CAMK1D: variants seen among roughly 807,000 people sequenced by gnomAD.
The protein encoded by CAMK1D is calcium/calmodulin-dependent protein kinase type 1D.
CAMK1D carries 9 observed loss-of-function variants against 47.7 expected under a neutral mutation model. The observed-to-expected ratio is 0.19, with a 90% CI of 0.11 to 0.33. The LOEUF (loss-of-function observed/expected upper bound fraction) is 0.33. Ranked by LOEUF, CAMK1D falls within the 10% of genes least tolerant of loss-of-function variation. The pLI is 1.00. For synonymous variants in CAMK1D, 184 were observed against 184.9 expected, an observed-to-expected ratio of 0.99 and a Z score of 0.04; for missense variants, 291 against 488.7, an observed-to-expected ratio of 0.60 and a Z score of 3.81.
intron 2 of CAMK1D, among the ~76,000 whole-genome samples, chr10:12,634,743 G>A (rs965037678): frequency 1.7e-4 from 26 of 152,072 alleles, no homozygotes; most frequent in African/African-American, 5.6e-4. Flanking sequence ...GTCCGGTGCA[G>A]CTTTTCTTCC....
At chr10:12,561,059 G>GC (rs1348758766) in intron 2 of CAMK1D, among the ~76,000 whole-genome samples, 2 of 151,870 alleles carry the variant, frequency 1.3e-5, no homozygotes, top group Non-Finnish European at 2.9e-5. Context: ...GACTACAGGC[G>GC]CCTGCCACCA....
chr10:12,724,703 GA>G (rs1834537431), intron 3 of CAMK1D, among the ~76,000 whole-genome samples: 2 of 152,162 alleles, frequency 1.3e-5, no homozygotes, highest in Non-Finnish European at 2.9e-5. Context: ...AGCTTCATAG[GA>G]AGGAGATGCT....
intron 5 of CAMK1D, among the ~76,000 whole-genome samples, chr10:12,788,494 G>A (rs1346369978): frequency 6.6e-5 from 10 of 152,204 alleles, no homozygotes; most frequent in Admixed American, 3.3e-4. Context: ...TCAGCTCTGC[G>A]GGAGGGGAAG....
chr10:12,561,687 C>G (rs1447783560), intron 2 of CAMK1D, among the ~76,000 whole-genome samples: 1 of 152,158 alleles, frequency 6.6e-6, no homozygotes, highest in Non-Finnish European at 1.5e-5. Flanking sequence ...TAGAAGTGGT[C>G]TAATGCCAGT....
intron 2 of CAMK1D, among the ~76,000 whole-genome samples, chr10:12,630,958 A>G (rs1397542126): frequency 6.6e-6 from 1 of 152,134 alleles, no homozygotes; most frequent in Admixed American, 6.6e-5. Context: ...GTGCTTGGTG[A>G]TGCATTATCT....
In CAMK1D at chr10:12,506,739, C is replaced by T. The variant is rs182739143; in HGVS notation, c.93-46486C>T. 3.5e-3 allele frequency among the ~76,000 whole-genome samples: 530 copies of T among 152,108 alleles called. 3 individuals are homozygous for T. The highest frequency in any genetic ancestry group is 0.012 in the African/African-American group (517 of 41,518). ...TTCACCGTGCTACCCGGGATGGTCT[C>T]GGTCTCCTGACCTCGTGATCCGCCC... On this transcript the variant is annotated intron_variant, in intron 1 of 10. Coordinates refer to ENST00000619168, the MANE Select transcript of CAMK1D (RefSeq NM_153498.4).
At chr10:12,570,680 CAAAAAAA>C (rs35160242) in intron 2 of CAMK1D, among the ~76,000 whole-genome samples, 1 of 84,574 alleles carries the variant, frequency 1.2e-5, no homozygotes, top group Non-Finnish European at 2.5e-5. Context: ...AACTCCATCT[CAAAAAAA>C]AAAAAAAAAA....
chr10:12,382,154 C>T (rs1186894576), intron 1 of CAMK1D, among the ~76,000 whole-genome samples: 1 of 152,122 alleles, frequency 6.6e-6, no homozygotes, highest in Non-Finnish European at 1.5e-5. Context: ...ACTGACTGGA[C>T]ATTAAGTGGG....
chr10:12,560,761 G>A (rs111518145), intron 2 of CAMK1D, among the ~76,000 whole-genome samples: 1,557 of 152,054 alleles, frequency 0.01, 30 homozygotes, highest in African/African-American at 0.036. Context: ...TGGAAAGCTC[G>A]CACTGGAATG....
intron 1 of CAMK1D, among the ~76,000 whole-genome samples, chr10:12,457,530 A>G (rs886355006): frequency 3.9e-5 from 6 of 152,190 alleles, no homozygotes; most frequent in East Asian, 1.9e-4. Flanking sequence ...GCTCACACCT[A>G]TAATCCCATG....
intron 8 of CAMK1D, among the ~76,000 whole-genome samples, chr10:12,819,977 A>T (rs1832957621): frequency 6.6e-6 from 1 of 152,182 alleles, no homozygotes. Context: ...TTTCCAACTT[A>T]CGGGACTCGG....
intron 1 of CAMK1D, among the ~76,000 whole-genome samples, chr10:12,459,341 T>A (rs1833356306): frequency 6.6e-6 from 1 of 152,244 alleles, no homozygotes; most frequent in South Asian, 2.1e-4. Flanking sequence ...TAGTTTGCTT[T>A]CACAACAGTC....
intron 6 of CAMK1D, among the ~76,000 whole-genome samples, chr10:12,795,699 T>G (rs563380764): frequency 1.3e-5 from 2 of 152,222 alleles, no homozygotes; most frequent in Non-Finnish European, 2.9e-5. Flanking sequence ...CTCCTTTTGC[T>G]GGTGTGCGCC....
chr10:12,828,423 C>T (rs574037339), intron 10 of CAMK1D, among the ~76,000 whole-genome samples: 4 of 152,044 alleles, frequency 2.6e-5, no homozygotes, highest in Non-Finnish European at 5.9e-5. Flanking sequence ...GGTGGATCAC[C>T]TGAGGTCAGG....
chr10:12,777,498 G>A (rs1167598404), intron 5 of CAMK1D, among the ~76,000 whole-genome samples: 5 of 148,378 alleles, frequency 3.4e-5, no homozygotes, highest in Non-Finnish European at 4.4e-5. Flanking sequence ...TCAGCCTCCC[G>A]AGTAGCCAGG....
chr10:12,809,116 C>CAA lies in CAMK1D; in HGVS notation c.642-5067_642-5066dup, dbSNP rs35817271. On this transcript the variant is annotated intron_variant, in intron 6 of 10. Transcript: ENST00000619168. ...TGGGCAACAGAGTGAAACTCTGTCT[C>CAA]AAAAAAAAAAAAATCCATACAGAAA... is the stretch of plus-strand genomic sequence containing the variant. 1.3e-3 allele frequency among the ~76,000 whole-genome samples: 188 copies of CAA among 145,674 alleles called. 2 individuals carry two copies. Among genetic ancestry groups the CAA allele is most frequent in the East Asian group, 0.012 (62 of 5,036 alleles).
intron 1 of CAMK1D, among the ~76,000 whole-genome samples, chr10:12,401,130 A>T (rs1236134143): frequency 1.4e-5 from 1 of 69,606 alleles, no homozygotes; most frequent in African/African-American, 6.0e-5. Context: ...TATATGTATT[A>T]TATATATTAT....
At chr10:12,447,907 C>T (rs1419736478) in intron 1 of CAMK1D, among the ~76,000 whole-genome samples, 1 of 152,054 alleles carries the variant, frequency 6.6e-6, no homozygotes, top group African/African-American at 2.4e-5. Flanking sequence ...GGCTAGGGTG[C>T]AATGGCACAA....
At chr10:12,760,064 G>A (rs1836427431) in intron 3 of CAMK1D, among the ~76,000 whole-genome samples, 2 of 152,028 alleles carry the variant, frequency 1.3e-5, no homozygotes, top group African/African-American at 2.4e-5. Flanking sequence ...ATGGCTTAAT[G>A]ATTTGAGATG....
Sources: gnomAD v4.1 joint callset for allele counts (sites outside exome capture counted in the v4.1 genomes callset) on GRCh38, gnomAD v4.1.1 for gene constraint, MANE v1.5 for transcripts, NCBI Gene and HGNC (gene_info 2026-07-23, HGNC 2026-07-21) for gene names.